Variants in FSTL1 observed in about 807,000 individuals in gnomAD.
FSTL1 encodes the protein follistatin-related protein 1.
FSTL1 carries 24 observed loss-of-function variants against 45.9 expected under a neutral mutation model. That is an observed-to-expected ratio of 0.52 (90% CI 0.38 to 0.74). FSTL1 has a LOEUF of 0.74. Among genes scored for constraint, FSTL1 ranks in the 30% least tolerant of loss-of-function variants. The pLI is 0.00. For synonymous variants in FSTL1, 120 were observed against 137.6 expected (o/e 0.87, Z 0.89); for missense variants, 340 against 381.8 (o/e 0.89, Z 0.91).
At chr3:120,399,734 GA>G in intron 10 of FSTL1, 148 bp downstream of exon 10, 1 of 602,324 alleles carries the variant, frequency 1.7e-6, no homozygotes, top group Non-Finnish European at 3.0e-6. Context: ...ATCACAGTTT[GA>G]TAGTACAGGT....
At chr3:120,411,041 T>A (rs1015589470) in intron 4 of FSTL1, 57 bp from the exon 5 acceptor site, 19 of 1,331,290 alleles carry the variant, frequency 1.4e-5, no homozygotes, top group Non-Finnish European at 1.8e-5. Context: ...AGAAAATTTT[T>A]CTGTATTTCT....
chr3:120,450,925 G>A lies in FSTL1; in HGVS notation c.-29C>T. On this transcript the variant is annotated 5_prime_UTR_variant, in exon 1 of 11. Transcript: ENST00000295633. ...GGTCTGGTCCAGGTCTCCTGGGGGC[G>A]CGGGGCAGGACGGCGGCAGCGAGCT... 1 of 496,284 alleles carries A rather than the reference G, an allele frequency of 2.0e-6. No homozygotes were observed. Among genetic ancestry groups the A allele is most frequent in the Non-Finnish European group, 3.5e-6 (1 of 282,648 alleles). The allele number at this position is 496,284 out of a possible 1,614,324, so 30.7% of individuals were successfully genotyped here. A position where few individuals can be genotyped will look rare whatever the true frequency, so the allele number is the denominator to read the frequency against.
At chr3:120,428,595 G>A (rs958101465) in intron 2 of FSTL1, among the ~76,000 whole-genome samples, 4 of 152,258 alleles carry the variant, frequency 2.6e-5, no homozygotes, top group Middle Eastern at 3.4e-3. Context: ...TTAGCTGGGT[G>A]TGGTGACTTG....
At chr3:120,415,879 T>C (rs775330883) in intron 3 of FSTL1, 44 bp downstream of exon 3, 16 of 1,187,518 alleles carry the variant, frequency 1.3e-5, no homozygotes, top group Non-Finnish European at 1.8e-5. Context: ...AGGTACCACA[T>C]TGGCCTTGGC....
At chr3:120,450,039 A>C (rs1937848754) in intron 2 of FSTL1, among the ~76,000 whole-genome samples, 2 of 151,336 alleles carry the variant, frequency 1.3e-5, no homozygotes, top group African/African-American at 2.4e-5. Context: ...GTACAAAAAA[A>C]CAAGCGCTGA....
chr3:120,421,791 T>G (rs1190656151), intron 2 of FSTL1, among the ~76,000 whole-genome samples: 2 of 152,176 alleles, frequency 1.3e-5, no homozygotes, highest in African/African-American at 4.8e-5. Flanking sequence ...TTATATGTGC[T>G]CACAATCAGT....
intron 2 of FSTL1, among the ~76,000 whole-genome samples, chr3:120,432,943 C>T (rs1937505218): frequency 6.6e-6 from 1 of 152,292 alleles, no homozygotes; most frequent in East Asian, 1.9e-4. Context: ...ACACTGAATG[C>T]CTTTTGCTTT....
chr3:120,404,907 T>G lies in FSTL1; in HGVS notation c.527A>C (p.Glu176Ala). The part of the protein sequence containing the change: ...SEFLKFVEQN[E>A]TAINITTYPD... ...ATACGTTGTAATATTGATGGCAGTT[T>G]CATTCTGTTCCACAAACTTCAGGAA... Residue 176 changes from glutamate (E) to alanine (A), a missense_variant, in exon 7 of 11, where the codon GAA becomes GCA. Transcript: ENST00000295633. 6.2e-7 allele frequency: 1 copy of G among 1,608,598 alleles called. No individual in the cohort carries two copies. The highest frequency in any genetic ancestry group is 1.1e-5 in the South Asian group (1 of 90,976).
intron 2 of FSTL1, among the ~76,000 whole-genome samples, chr3:120,440,140 A>G (rs1025754613): frequency 2.0e-5 from 3 of 151,928 alleles, no homozygotes; most frequent in Admixed American, 1.3e-4. Flanking sequence ...AACTGGTACA[A>G]AAAAAAACCC....
At position 120,406,992 on chromosome 3, in the gene FSTL1, A is replaced by G. The variant is rs559222755; in HGVS notation, c.463-2021T>C. ...TATAGCCTGAAGGTAATTTTATACAATAGTTTAAATCATTTTGTGCATGAA... is the reference window on the plus strand; with the variant it reads ...TATAGCCTGAAGGTAATTTTATACAGTAGTTTAAATCATTTTGTGCATGAA... On this transcript the variant is annotated intron_variant, in intron 6 of 10. Coordinates refer to ENST00000295633, the MANE Select transcript of FSTL1 (RefSeq NM_007085.5). Among the ~76,000 whole-genome samples the G allele has an allele frequency of 9.2e-5, 14 of 152,342 alleles. No homozygotes were observed. The South Asian group carries it at 2.5e-3, about 27-fold the overall frequency.
intron 2 of FSTL1, among the ~76,000 whole-genome samples, chr3:120,421,909 G>A (rs903587814): frequency 6.6e-6 from 1 of 152,196 alleles, no homozygotes; most frequent in Non-Finnish European, 1.5e-5. Flanking sequence ...AATGCAAATT[G>A]GGTAAATGGC....
At chr3:120,410,596 C>A (rs1332941041) in intron 5 of FSTL1, 3 of 367,836 alleles carry the variant, frequency 8.2e-6, no homozygotes, top group African/African-American at 2.1e-5. Flanking sequence ...TCCAGTTATC[C>A]CCTTTCAAAA....
chr3:120,423,987 G>T (rs1056555417), intron 2 of FSTL1: 3 of 152,258 alleles, frequency 2.0e-5, no homozygotes, highest in African/African-American at 7.2e-5. Flanking sequence ...CACTTTGAAG[G>T]CCAATGTAGA....
At chr3:120,428,700 C>T (rs1239922002) in intron 2 of FSTL1, among the ~76,000 whole-genome samples, 1 of 152,120 alleles carries the variant, frequency 6.6e-6, no homozygotes, top group Admixed American at 6.5e-5. Context: ...CACCACTGTC[C>T]TCCAGCCTGG....
intron 7 of FSTL1, among the ~76,000 whole-genome samples, chr3:120,403,939 AAAAAAC>A (rs1936886666): frequency 2.6e-5 from 3 of 115,572 alleles, no homozygotes; most frequent in Admixed American, 8.9e-5. Context: ...AAAAAAAAAA[AAAAAAC>A]AAAAACAAAA....
chr3:120,408,478 A>T (rs1293476072), intron 6 of FSTL1, among the ~76,000 whole-genome samples: 1 of 152,258 alleles, frequency 6.6e-6, no homozygotes, highest in Non-Finnish European at 1.5e-5. Flanking sequence ...CTATAGTGTC[A>T]GAAAGAGAAA....
chr3:120,399,819 T>A, intron 10 of FSTL1, 64 bp downstream of exon 10: 2 of 1,101,896 alleles, frequency 1.8e-6, no homozygotes, highest in Non-Finnish European at 2.7e-6. Flanking sequence ...CTGGGCAGTG[T>A]TTGAATGGTA....
At chr3:120,442,807 A>C (rs1338191860) in intron 2 of FSTL1, among the ~76,000 whole-genome samples, 1 of 147,352 alleles carries the variant, frequency 6.8e-6, no homozygotes, top group Admixed American at 6.7e-5. Context: ...AAAAAAAAAA[A>C]AAAGCAGACT....
At chr3:120,398,062 A>G (rs1247464963) in intron 10 of FSTL1, among the ~76,000 whole-genome samples, 2 of 152,172 alleles carry the variant, frequency 1.3e-5, no homozygotes, top group Non-Finnish European at 2.9e-5. Context: ...ATAGTTAGAA[A>G]GTAGATTAGT....
Sources: gnomAD v4.1 joint callset for allele counts (sites outside exome capture counted in the v4.1 genomes callset) on GRCh38, gnomAD v4.1.1 for gene constraint, MANE v1.5 for transcripts, NCBI Gene and HGNC (gene_info 2026-07-23, HGNC 2026-07-21) for gene names.